The following SPATA4 variants were observed in gnomAD, a reference collection of about 807,000 sequenced individuals.
SPATA4 encodes the protein spermatogenesis-associated protein 4.
Under a neutral mutation model 31.8 loss-of-function variants are expected in SPATA4, and 35 were observed. That is an observed-to-expected ratio of 1.10 (90% confidence interval 0.84 to 1.46). The LOEUF (loss-of-function observed/expected upper bound fraction) is 1.46, where lower values mean the gene tolerates loss of function less well. Ranked by LOEUF, SPATA4 falls within the 40% of genes most tolerant of loss-of-function variation. The pLI is 0.00. For synonymous variants in SPATA4, 126 were observed against 132.4 expected (o/e 0.95, Z 0.33); for missense variants, 394 against 363.1 (o/e 1.09, Z -0.69).
intron 4 of SPATA4, 132 bp downstream of exon 4, chr4:176,192,495 A>T: frequency 1.4e-6 from 1 of 693,746 alleles, no homozygotes; most frequent in Non-Finnish European, 2.4e-6. Flanking sequence ...TGCTAGCATT[A>T]AAGAAGTAAT....
At chr4:176,189,491 T>C (rs1752496088) in intron 4 of SPATA4, among the ~76,000 whole-genome samples, 1 of 151,312 alleles carries the variant, frequency 6.6e-6, no homozygotes, top group Admixed American at 6.6e-5. Flanking sequence ...ATGTTAGATA[T>C]GAATACATAT....
At chr4:176,185,707 C>T (rs948874328) in intron 5 of SPATA4, among the ~76,000 whole-genome samples, 6 of 152,182 alleles carry the variant, frequency 3.9e-5, no homozygotes, top group African/African-American at 1.4e-4. Flanking sequence ...TTATTTAACA[C>T]TTAATAGTTC....
intron 1 of SPATA4, among the ~76,000 whole-genome samples, chr4:176,195,061 A>C (rs1752592614): frequency 6.6e-6 from 1 of 152,158 alleles, no homozygotes; most frequent in South Asian, 2.1e-4. Context: ...AATGCCCAAT[A>C]TCACTAAAGA....
Position 176,193,059 on chromosome 4 carries a change from T to C in SPATA4, c.366A>G (p.Lys122=), listed in dbSNP as rs1256937580. ...AQLEKFLARK[K]FKLPKELIHG... Reference sequence around the variant, plus strand: ...GGATTAGTTCTTTAGGTAATTTAAATTTTTTTCTTGCCAGGAACTTTAATA... The same window carrying C: ...GGATTAGTTCTTTAGGTAATTTAAACTTTTTTCTTGCCAGGAACTTTAATA... The change falls in exon 3 of 6, where the codon AAA becomes AAG. Residue 122 remains lysine (K), a synonymous_variant. Transcript: ENST00000280191. The C allele has an allele frequency of 2.5e-6, 4 of 1,589,188 alleles. No homozygotes were observed. Among genetic ancestry groups the C allele is most frequent in the Non-Finnish European group, 2.6e-6 (3 of 1,172,296 alleles).
Position 176,195,325 on chromosome 4 carries a change from G to A in SPATA4, c.218+20C>T, listed in dbSNP as rs759540967. 6.2e-6 allele frequency: 10 copies of A among 1,613,398 alleles called. No homozygotes were observed. Among genetic ancestry groups the A allele is most frequent in the Non-Finnish European group, 8.5e-6 (10 of 1,179,534 alleles). ...GCGGGGCGCCCACCGGGGGGGCCTA[G>A]GACTGGCTTACTCAAGCACCTGTTG... On this transcript the variant is annotated intron_variant, in intron 1 of 5. Coordinates refer to ENST00000280191, the MANE Select transcript of SPATA4 (RefSeq NM_144644.4).
chr4:176,192,814 G>C lies in SPATA4; in HGVS notation c.501C>G (p.Phe167Leu), dbSNP rs1350190332. Residue 167 changes from phenylalanine to leucine, a missense_variant, in exon 4 of 6, where the codon TTC becomes TTG. Transcript: ENST00000280191. Reference protein sequence around the residue: ...IKSIQDDFVNFTDYSYQMRLP... With the variant: ...IKSIQDDFVNLTDYSYQMRLP... ...AACGCATCTGGTAGCTATAGTCCGT[G>C]AAATTCACAAAGTCATCCTGGATAC... 1 of 1,613,930 alleles carries C rather than the reference G, an allele frequency of 6.2e-7. No individual in the cohort carries two copies. Among genetic ancestry groups the C allele is most frequent in the Admixed American group, 1.7e-5 (1 of 60,016 alleles).
intron 5 of SPATA4, 96 bp downstream of exon 5, chr4:176,188,023 C>G (rs368783628): frequency 1.1e-6 from 1 of 878,008 alleles, no homozygotes; most frequent in African/African-American, 1.7e-5. Flanking sequence ...TTGACCTATA[C>G]CAACATTTTA....
At chr4:176,195,228 G>T (rs2126925770) in intron 1 of SPATA4, 117 bp downstream of exon 1, 1 of 849,076 alleles carries the variant, frequency 1.2e-6, no homozygotes, top group Non-Finnish European at 1.9e-6. Flanking sequence ...TACGTGGGTG[G>T]GGGGGTCTTG....
At chr4:176,191,096 ATTT>A (rs70962456) in intron 4 of SPATA4, among the ~76,000 whole-genome samples, 13 of 123,170 alleles carry the variant, frequency 1.1e-4, no homozygotes, top group Non-Finnish European at 1.2e-4. Flanking sequence ...GTATGTATAG[ATTT>A]TTTTTTTTTT....
rs1329350727 is a variant in SPATA4 at position 176,193,511 on chromosome 4, G to A, written c.290C>T (p.Ser97Phe). Reference sequence around the variant, plus strand: ...TTTTAAAGAGGTCCCGTTTTCAAAGGATGATAATTCAAGTTCCCAGGGGTA... The same window carrying A: ...TTTTAAAGAGGTCCCGTTTTCAAAGAATGATAATTCAAGTTCCCAGGGGTA... ...IYYPWELELS[S>F]FENGTSLKVK... The change falls in exon 2 of 6, where the codon TCC becomes TTC. Residue 97 changes from serine (S) to phenylalanine (F), a missense_variant. Physicochemically the swap from Ser to Phe is radical, Grantham distance 155 (BLOSUM62 -2). Transcript: ENST00000280191. 12 of 1,613,528 alleles carry A rather than the reference G, an allele frequency of 7.4e-6. No homozygotes were observed. The highest frequency in any genetic ancestry group is 9.3e-6 in the Non-Finnish European group (11 of 1,179,884).
At chr4:176,192,875 A>T in intron 3 of SPATA4, 28 bp from the exon 4 acceptor site, 2 of 1,600,432 alleles carry the variant, frequency 1.2e-6, no homozygotes, top group Non-Finnish European at 1.7e-6. Context: ...AATACTGTTG[A>T]CAAGCAACAT....
rs1752572636 is a variant in SPATA4, at chr4:176,193,911, G to A, written c.219-329C>T. 1.7e-5 allele frequency: 3 copies of A among 171,458 alleles called. No homozygotes were observed. In the Admixed American group the frequency reaches 1.9e-4, roughly 11 times the overall value. The allele number at this position is 171,458 out of a possible 1,614,324, so 10.6% of individuals were successfully genotyped here. On this transcript the variant is annotated intron_variant, in intron 1 of 5. Transcript: ENST00000280191. ...AGACAAATTAGTAAACTAGTCCCCC[G>A]CTTATCTGCAGTTTTGCTTTCTGCA... is the stretch of plus-strand genomic sequence containing the variant.
intron 4 of SPATA4, among the ~76,000 whole-genome samples, chr4:176,191,940 C>T (rs1427428064): frequency 1.3e-5 from 2 of 152,050 alleles, no homozygotes; most frequent in Admixed American, 6.6e-5. Flanking sequence ...CCTCTTTTCC[C>T]GAATGTTTGG....
At chr4:176,188,954 T>C (rs1394892800) in intron 4 of SPATA4, among the ~76,000 whole-genome samples, 3 of 152,180 alleles carry the variant, frequency 2.0e-5, no homozygotes, top group Admixed American at 6.5e-5. Context: ...GAACTATAGT[T>C]ATCACAATTA....
In SPATA4 at chr4:176,195,480, A is replaced by T; in HGVS notation, c.83T>A (p.Leu28Gln). 6.2e-7 allele frequency: 1 copy of T among 1,614,254 alleles called. No homozygotes were observed. The highest frequency in any genetic ancestry group is 8.5e-7 in the Non-Finnish European group (1 of 1,180,040). Residue 28 changes from leucine (L) to glutamine (Q), a missense_variant, in exon 1 of 6, where the codon CTA becomes CAA. Physicochemically the swap from Leu to Gln is moderately radical, Grantham distance 113 (BLOSUM62 -2). Coordinates refer to ENST00000280191, the MANE Select transcript of SPATA4 (RefSeq NM_144644.4). Reference protein sequence around the residue: ...LDKSPSLSPQLAAPIRGRPKK... With the variant: ...LDKSPSLSPQQAAPIRGRPKK... ...AGGCCTCCCTCGGATGGGAGCTGCT[A>T]GCTGTGGCGAAAGTGACGGTGACTT...
Position 176,186,149 on chromosome 4 carries a change from C to A in SPATA4, c.806-1257G>T, listed in dbSNP as rs1309397845. Among the ~76,000 whole-genome samples the A allele has an allele frequency of 2.0e-5, 3 of 152,280 alleles. 1 individual carries two copies. On this transcript the variant is annotated intron_variant, in intron 5 of 5. Coordinates refer to ENST00000280191, the MANE Select transcript of SPATA4 (RefSeq NM_144644.4). ...AAAAAGATAACAAAAATGAGAAATACTCTTTAGCAATTCAAATATCAGCAG... is the reference window on the plus strand; with the variant it reads ...AAAAAGATAACAAAAATGAGAAATAATCTTTAGCAATTCAAATATCAGCAG...
intron 1 of SPATA4, 30 bp downstream of exon 1, chr4:176,195,315 G>T (rs370688784): frequency 5.5e-5 from 89 of 1,607,698 alleles, no homozygotes; most frequent in South Asian, 3.7e-4. Flanking sequence ...GCGCCCACCG[G>T]GGGGGCCTAG....
Position 176,184,772 on chromosome 4 carries a change from G to C in SPATA4, c.*8C>G. The C allele has an allele frequency of 6.4e-7, 1 of 1,557,554 alleles. No individual in the cohort carries two copies. The highest frequency in any genetic ancestry group is 8.7e-7 in the Non-Finnish European group (1 of 1,143,836). ...ATCACTTCTTCAAAGCCATTTGACA[G>C]GTGCTTTTCAAGGTTTCTTGTCCAT... On this transcript the variant is annotated 3_prime_UTR_variant, in exon 6 of 6. Transcript: ENST00000280191.
chr4:176,193,660 C>T, intron 1 of SPATA4, 78 bp from the exon 2 acceptor site: 1 of 1,346,658 alleles, frequency 7.4e-7, no homozygotes, highest in Non-Finnish European at 9.8e-7. Flanking sequence ...TAATACTAGT[C>T]TAATATTCCA....
Sources: allele counts gnomAD v4.1 joint callset (sites outside exome capture counted in the v4.1 genomes callset), GRCh38; gene constraint gnomAD v4.1.1; transcripts MANE v1.5; gene names NCBI Gene and HGNC (gene_info 2026-07-23, HGNC 2026-07-21).